The following SUPT6H variants were observed in gnomAD, a reference collection of about 807,000 sequenced individuals.
The protein encoded by SUPT6H is SPT6 homolog, histone chaperone and transcription elongation factor.
Under a neutral mutation model 222.3 loss-of-function variants are expected in SUPT6H, and 11 were observed. The observed-to-expected ratio is 0.05, with a 90% CI of 0.03 to 0.08. The LOEUF is 0.08. Ranked by LOEUF, SUPT6H falls within the 10% of genes least tolerant of loss-of-function variation. The pLI is 1.00. For synonymous variants in SUPT6H, 762 were observed against 801.2 expected (o/e 0.95, Z 0.83); for missense variants, 1,422 against 2,216.0 (o/e 0.64, Z 7.19).
chr17:28,684,329 TCCAGGAGCTTCTCCCCTCCC>T (rs566048734), intron 17 of SUPT6H, among the ~76,000 whole-genome samples: 1 of 152,278 alleles, frequency 6.6e-6, no homozygotes, highest in East Asian at 1.9e-4. Context: ...ACCTCTCTGC[TCCAGGAGCTTCTCCCCTCCC>T]CCAGCCCCAC....
In SUPT6H at chr17:28,702,035, T is replaced by G. The variant is rs2032156650; in HGVS notation, c.*410T>G. On this transcript the variant is annotated 3_prime_UTR_variant, in exon 37 of 37. Coordinates refer to ENST00000314616, the MANE Select transcript of SUPT6H (RefSeq NM_003170.5). ...CCCCTAGCTCTCGTGGGGAGAGGGATGCTATTTATTCAGTTTGGGGCAGGA... is the reference window on the plus strand; with the variant it reads ...CCCCTAGCTCTCGTGGGGAGAGGGAGGCTATTTATTCAGTTTGGGGCAGGA... The G allele has an allele frequency of 6.0e-6, 1 of 167,590 alleles. No homozygotes were observed. The highest frequency in any genetic ancestry group is 1.3e-5 in the Non-Finnish European group (1 of 77,620). The allele number at this position is 167,590 out of a possible 1,614,324, so 10.4% of individuals were successfully genotyped here.
intron 1 of SUPT6H, among the ~76,000 whole-genome samples, chr17:28,669,689 C>G (rs2030300459): frequency 6.6e-6 from 1 of 152,088 alleles, no homozygotes; most frequent in Non-Finnish European, 1.5e-5. Context: ...AGTCCCAGCA[C>G]TTTGGGAGGC....
In SUPT6H at chr17:28,681,062, C is replaced by T. The variant is rs1051689101; in HGVS notation, c.1350-194C>T. On this transcript the variant is annotated intron_variant, in intron 11 of 36. Coordinates refer to ENST00000314616, the MANE Select transcript of SUPT6H (RefSeq NM_003170.5). ...ACCGCCCGGGTTCAAGTGATCATCC[C>T]ATCTCCAGTCTGGGCAACAGAGTGA... The T allele has an allele frequency of 1.8e-5, 10 of 570,298 alleles. No homozygotes were observed. In the Admixed American group the frequency reaches 2.6e-4, roughly 15 times the overall value. The allele number at this position is 570,298 out of a possible 1,614,324, so 35.3% of individuals were successfully genotyped here.
chr17:28,701,412 C>T (rs1567708168), intron 36 of SUPT6H, 27 bp from the exon 37 acceptor site: 5 of 1,607,108 alleles, frequency 3.1e-6, no homozygotes, highest in East Asian at 2.2e-5. Flanking sequence ...AGCAAAGTCC[C>T]AATCTCAACT....
chr17:28,695,268 G>A lies in SUPT6H; in HGVS notation c.3775-84G>A, dbSNP rs2031849255. ...CTTTACACCTTACACCTTTCTGCCT[G>A]GACTTTGGTTTTCTCATGGGTGAAA... On this transcript the variant is annotated intron_variant, in intron 28 of 36. Coordinates refer to ENST00000314616, the MANE Select transcript of SUPT6H (RefSeq NM_003170.5). 3 of 1,418,776 alleles carry A rather than the reference G, an allele frequency of 2.1e-6. No homozygotes were observed. In the African/African-American group the frequency reaches 4.2e-5, roughly 20 times the overall value. 87.9% of individuals were successfully genotyped at this position (1,418,776 alleles called of 1,614,324 possible).
At chr17:28,692,081 T>C (rs1391203239) in intron 27 of SUPT6H, among the ~76,000 whole-genome samples, 1 of 151,050 alleles carries the variant, frequency 6.6e-6, no homozygotes, top group African/African-American at 2.4e-5. Flanking sequence ...CCCAGCACTT[T>C]GGGAGGCTGA....
chr17:28,686,609 C>T, intron 20 of SUPT6H, 45 bp from the exon 21 acceptor site: 1 of 1,553,048 alleles, frequency 6.4e-7, no homozygotes. Flanking sequence ...TGAGACTGTC[C>T]ATCCCTAAGA....
chr17:28,686,400 T>C lies in SUPT6H; in HGVS notation c.2549T>C (p.Val850Ala), dbSNP rs1299947553. 3 of 1,614,110 alleles carry C rather than the reference T, an allele frequency of 1.9e-6. No individual in the cohort carries two copies. The highest frequency in any genetic ancestry group is 2.5e-6 in the Non-Finnish European group (3 of 1,180,040). ...AATAAGAAGCCTCATGTAGTGACAGTTGCAGGAGAGAACAGGTAGGTAGGG... is the reference window on the plus strand; with the variant it reads ...AATAAGAAGCCTCATGTAGTGACAGCTGCAGGAGAGAACAGGTAGGTAGGG... ...LLNKKPHVVT[V>A]AGENRDAQML... The change falls in exon 20 of 37, where the codon GTT becomes GCT. Residue 850 changes from valine (V) to alanine (A), a missense_variant. Coordinates refer to ENST00000314616, the MANE Select transcript of SUPT6H (RefSeq NM_003170.5).
At chr17:28,681,095 T>C in intron 11 of SUPT6H, 161 bp from the exon 12 acceptor site, 1 of 729,122 alleles carries the variant, frequency 1.4e-6, no homozygotes, top group Non-Finnish European at 2.2e-6. Flanking sequence ...TGAGACCCTG[T>C]CTCAGAAAAA....
In SUPT6H at chr17:28,662,316, A is replaced by C. The variant is rs539430960; in HGVS notation, c.-58A>C. On this transcript the variant is annotated 5_prime_UTR_variant, in exon 1 of 37. Coordinates refer to ENST00000314616, the MANE Select transcript of SUPT6H (RefSeq NM_003170.5). ...ATTTTCCTCGGTGGGGGCTTAGCGCACTGGAGGAGCGGCGGGCTTCAGACA... is the reference window on the plus strand; with the variant it reads ...ATTTTCCTCGGTGGGGGCTTAGCGCCCTGGAGGAGCGGCGGGCTTCAGACA... 1 of 161,610 alleles carries C rather than the reference A, an allele frequency of 6.2e-6. No homozygotes were observed. Among genetic ancestry groups the C allele is most frequent in the South Asian group, 1.4e-4 (1 of 7,280 alleles). The allele number at this position is 161,610 out of a possible 1,614,324, so 10.0% of individuals were successfully genotyped here. A position where few individuals can be genotyped will look rare whatever the true frequency, so the allele number is the denominator to read the frequency against.
intron 7 of SUPT6H, among the ~76,000 whole-genome samples, 187 bp from the exon 8 acceptor site, chr17:28,677,528 A>G (rs1299376749): frequency 2.6e-5 from 4 of 152,104 alleles, no homozygotes; most frequent in Non-Finnish European, 4.4e-5. Context: ...CTGAGCAACA[A>G]GAGTGAGACA....
intron 1 of SUPT6H, among the ~76,000 whole-genome samples, chr17:28,665,345 C>T (rs1367033591): frequency 2.6e-5 from 4 of 152,326 alleles, no homozygotes; most frequent in Middle Eastern, 3.4e-3. Flanking sequence ...TTTCCTTCTT[C>T]GCTTTTAGAG....
chr17:28,669,454 A>G (rs1197340971), intron 1 of SUPT6H, among the ~76,000 whole-genome samples: 1 of 152,176 alleles, frequency 6.6e-6, no homozygotes, highest in African/African-American at 2.4e-5. Context: ...GCCTGGGGTT[A>G]CAGGCATGAG....
intron 29 of SUPT6H, among the ~76,000 whole-genome samples, chr17:28,696,458 G>A (rs113507184): frequency 7.3e-5 from 11 of 150,420 alleles, no homozygotes; most frequent in South Asian, 2.1e-4. Flanking sequence ...CTAGCCAGGC[G>A]TGGTGGTGGG....
At chr17:28,686,549 T>C in intron 20 of SUPT6H, 105 bp from the exon 21 acceptor site, 1 of 1,541,532 alleles carries the variant, frequency 6.5e-7, no homozygotes, top group South Asian at 1.2e-5. Context: ...TTTGACCTCA[T>C]TTTCTTCAAA....
Position 28,701,274 on chromosome 17 carries a change from A to G in SUPT6H, c.4994+146A>G, listed in dbSNP as rs2032120543. Reference sequence around the variant, plus strand: ...GCCAGGAACACTAGTTTCTGGGTGAAGACGGAAGAGGGCAGTATGGCAGCC... The same window carrying G: ...GCCAGGAACACTAGTTTCTGGGTGAGGACGGAAGAGGGCAGTATGGCAGCC... On this transcript the variant is annotated intron_variant, in intron 36 of 36. Transcript: ENST00000314616. 18 of 1,404,186 alleles carry G rather than the reference A, an allele frequency of 1.3e-5. No homozygotes were observed. In the South Asian group the frequency reaches 2.4e-4, roughly 19 times the overall value. The allele number at this position is 1,404,186 out of a possible 1,614,324, so 87.0% of individuals were successfully genotyped here.
chr17:28,665,242 A>G (rs1289779566), intron 1 of SUPT6H, among the ~76,000 whole-genome samples: 1 of 152,084 alleles, frequency 6.6e-6, no homozygotes, highest in Non-Finnish European at 1.5e-5. Context: ...CACTTTCTCT[A>G]CTGGAACCTC....
intron 16 of SUPT6H, 58 bp from the exon 17 acceptor site, chr17:28,683,563 G>T: frequency 6.3e-7 from 1 of 1,592,320 alleles, no homozygotes; most frequent in Non-Finnish European, 8.6e-7. Context: ...AATGTTCATG[G>T]ACATTGGGTG....
rs2030848945 is a variant in SUPT6H, at chr17:28,677,799, C to T, written c.982C>T (p.Pro328Ser). 1.9e-6 allele frequency: 3 copies of T among 1,614,138 alleles called. No homozygotes were observed. The highest frequency in any genetic ancestry group is 2.5e-6 in the Non-Finnish European group (3 of 1,179,972). ...GATCTACAGGAATGCTTTTGCCACA[C>T]CAACCATTTCTCTCCAGGTACACAA... ...DWIYRNAFAT[P>S]TISLQESCDY... Residue 328 changes from proline (P) to serine (S), a missense_variant, in exon 8 of 37, where the codon CCA becomes TCA. Coordinates refer to ENST00000314616, the MANE Select transcript of SUPT6H (RefSeq NM_003170.5).
Sources: gnomAD v4.1 joint callset for allele counts (sites outside exome capture counted in the v4.1 genomes callset) on GRCh38, gnomAD v4.1.1 for gene constraint, MANE v1.5 for transcripts, NCBI Gene and HGNC (gene_info 2026-07-23, HGNC 2026-07-21) for gene names.